STK33: variants seen among roughly 807,000 people sequenced by gnomAD.
The protein encoded by STK33 is serine/threonine kinase 33, also known as serine/threonine-protein kinase 33.
A neutral mutation model predicts 58.0 loss-of-function variants in STK33; 52 were observed. The observed-to-expected ratio is 0.90, with a 90% CI of 0.72 to 1.13. The LOEUF (loss-of-function observed/expected upper bound fraction) is 1.13, where lower values mean the gene tolerates loss of function less well. STK33 is among the 50% of genes most tolerant of loss of function. The pLI is 0.00. For missense variants in STK33, 630 were observed against 604.2 expected (o/e 1.04, Z -0.45); for synonymous variants, 215 against 200.1 (o/e 1.07, Z -0.63).
At position 8,421,196 on chromosome 11, in the gene STK33, T is replaced by C. The variant is rs1302475925; in HGVS notation, c.1147-7504A>G. 2.6e-5 allele frequency among the ~76,000 whole-genome samples: 4 copies of C among 152,304 alleles called. No individual in the cohort carries two copies. In the East Asian group the frequency reaches 7.7e-4, roughly 29 times the overall value. Reference sequence around the variant, plus strand: ...TGTTAGTGCCTTTGGTTATGTTGCTTATGAAATCCTTTCCTACACACCCCA... The same window carrying C: ...TGTTAGTGCCTTTGGTTATGTTGCTCATGAAATCCTTTCCTACACACCCCA... On this transcript the variant is annotated intron_variant, in intron 14 of 15. Coordinates refer to ENST00000687296, the MANE Select transcript of STK33 (RefSeq NM_001352389.2).
the STK33 span, among the ~76,000 whole-genome samples, chr11:8,382,667 G>A: frequency 2.8e-4 from 42 of 152,200 alleles, no homozygotes; most frequent in African/African-American, 9.2e-4. Context: ...GACAGGTCCT[G>A]TGTGAGGTTG....
the STK33 span, among the ~76,000 whole-genome samples, chr11:8,365,656 A>C: frequency 6.6e-6 from 1 of 152,036 alleles, no homozygotes; most frequent in Non-Finnish European, 1.5e-5. Context: ...GCCACTTTCC[A>C]GCCCAGCTCC....
At chr11:8,452,214 C>T (rs1362725429) in intron 11 of STK33, among the ~76,000 whole-genome samples, 1 of 151,744 alleles carries the variant, frequency 6.6e-6, no homozygotes, top group Admixed American at 6.6e-5. Context: ...AAAAAAAAAG[C>T]AAACAAGCAA....
intron 1 of STK33, among the ~76,000 whole-genome samples, chr11:8,503,613 C>T (rs1951672701): frequency 6.6e-6 from 1 of 152,152 alleles, no homozygotes. Context: ...ACCCCTGAAA[C>T]TAAAAGTTAA....
At chr11:8,337,889 A>G in the STK33 span, among the ~76,000 whole-genome samples, 7,175 of 152,112 alleles carry the variant, frequency 0.047, 234 homozygotes, top group East Asian at 0.12. Context: ...ACCCAAATGC[A>G]GCTTCTCAGG....
At chr11:8,516,248 C>A (rs983452397) in intron 1 of STK33, among the ~76,000 whole-genome samples, 1 of 152,126 alleles carries the variant, frequency 6.6e-6, no homozygotes, top group Admixed American at 6.5e-5. Context: ...CAGAAATAAA[C>A]CCATGCATAT....
At chr11:8,425,417 C>T (rs1056505869) in intron 14 of STK33, among the ~76,000 whole-genome samples, 8 of 152,106 alleles carry the variant, frequency 5.3e-5, no homozygotes, top group Non-Finnish European at 1.0e-4. Flanking sequence ...AGTCAGGTAG[C>T]GTGATGCCTC....
intron 1 of STK33, among the ~76,000 whole-genome samples, chr11:8,574,589 G>A (rs747057483): frequency 9.2e-5 from 14 of 151,880 alleles, no homozygotes; most frequent in Admixed American, 5.2e-4. Context: ...AATTCATCCA[G>A]AAAATAAAAA....
chr11:8,449,552 T>G (rs1471432137), intron 11 of STK33, among the ~76,000 whole-genome samples: 4 of 148,516 alleles, frequency 2.7e-5, no homozygotes, highest in Non-Finnish European at 4.4e-5. Flanking sequence ...AAACACCGCA[T>G]GTTCTCACTC....
In STK33 at chr11:8,474,686, C is replaced by T. The variant is rs1169830996; in HGVS notation, c.220G>A (p.Asp74Asn). The T allele has an allele frequency of 1.2e-6, 2 of 1,600,970 alleles. No individual in the cohort carries two copies. The highest frequency in any genetic ancestry group is 3.5e-5 in the Admixed American group (2 of 57,348). ...GTGGAATCTTTGATATTTACCAAAT[C>T]TTTCCTGGAGGTTATATCTCTGTTG... ...NINRDITSRK[D>N]LPSRTSNVER... Residue 74 changes from aspartate to asparagine, a missense_variant, in exon 5 of 16, where the codon GAT (aspartate) becomes AAT (asparagine). Coordinates refer to ENST00000687296, the MANE Select transcript of STK33 (RefSeq NM_001352389.2).
At chr11:8,457,261 G>A (rs1425992408) in intron 9 of STK33, 80 bp downstream of exon 9, 3 of 1,268,544 alleles carry the variant, frequency 2.4e-6, no homozygotes, top group Non-Finnish European at 3.1e-6. Flanking sequence ...ATATGACTAT[G>A]AATCTGGAAT....
the STK33 span, among the ~76,000 whole-genome samples, chr11:8,357,745 T>C: frequency 6.6e-6 from 1 of 152,122 alleles, no homozygotes; most frequent in Non-Finnish European, 1.5e-5. Flanking sequence ...CCCCCAGGAA[T>C]TGCAGCCTTC....
chr11:8,430,671 C>A (rs1392882322), intron 14 of STK33, among the ~76,000 whole-genome samples: 2 of 152,148 alleles, frequency 1.3e-5, no homozygotes, highest in African/African-American at 4.8e-5. Context: ...CATTCTCTAC[C>A]CGTGTTTTTG....
At chr11:8,591,378 T>A (rs2032563111) in intron 1 of STK33, among the ~76,000 whole-genome samples, 1 of 152,218 alleles carries the variant, frequency 6.6e-6, no homozygotes. Flanking sequence ...AGCTGGTCTC[T>A]TCATGGGAAG....
chr11:8,337,649 G>C, the STK33 span, among the ~76,000 whole-genome samples: 9 of 149,256 alleles, frequency 6.0e-5, no homozygotes, highest in East Asian at 1.4e-3. Flanking sequence ...GGGGGGCGGG[G>C]GGGGGGCCCT....
chr11:8,388,749 G>A (rs2134828048), downstream of STK33, among the ~76,000 whole-genome samples: 1 of 152,278 alleles, frequency 6.6e-6, no homozygotes, highest in Admixed American at 6.5e-5. Context: ...TCTGTTGGCT[G>A]TCACAGTGAA....
chr11:8,529,970 AACAG>A (rs1232155067), intron 1 of STK33, among the ~76,000 whole-genome samples: 2 of 152,226 alleles, frequency 1.3e-5, no homozygotes, highest in African/African-American at 2.4e-5. Context: ...TCCCCCAAAA[AACAG>A]ACAGAGCTGG....
chr11:8,433,585 G>A (rs1037511809), intron 14 of STK33, among the ~76,000 whole-genome samples: 2 of 152,060 alleles, frequency 1.3e-5, no homozygotes, highest in Non-Finnish European at 2.9e-5. Context: ...ATTGCAAACT[G>A]ATCCTATCTA....
chr11:8,494,831 A>C (rs1019483914), intron 1 of STK33, among the ~76,000 whole-genome samples: 1 of 152,240 alleles, frequency 6.6e-6, no homozygotes, highest in Non-Finnish European at 1.5e-5. Flanking sequence ...CCTGACAAAA[A>C]CAAGAAATGG....
Sources: allele counts gnomAD v4.1 joint callset (sites outside exome capture counted in the v4.1 genomes callset), GRCh38; gene constraint gnomAD v4.1.1; transcripts MANE v1.5; gene names NCBI Gene and HGNC (gene_info 2026-07-23, HGNC 2026-07-21).